Variants in ABLIM1 observed in about 807,000 individuals in gnomAD.
The protein encoded by ABLIM1 is actin-binding LIM protein 1.
A neutral mutation model predicts 107.0 loss-of-function variants in ABLIM1; 40 were observed. That is an observed-to-expected ratio of 0.37 (90% CI 0.29 to 0.49). The LOEUF (loss-of-function observed/expected upper bound fraction) is 0.49, where lower values mean the gene tolerates loss of function less well. ABLIM1 is among the 20% of genes least tolerant of loss of function. The pLI is 0.97. For missense variants in ABLIM1, 857 were observed against 1,008.5 expected (o/e 0.85, Z 2.04); for synonymous variants, 357 against 357.3 (o/e 1.00, Z 0.01).
In ABLIM1 at chr10:114,560,953, A is replaced by G. The variant is rs546945098; in HGVS notation, c.673+10344T>C. Reference sequence around the variant, plus strand: ...GGTGATGAAAATGTTTTGGAACTAGATAGAGGTGATGGTTGTACAAAAGCA... The same window carrying G: ...GGTGATGAAAATGTTTTGGAACTAGGTAGAGGTGATGGTTGTACAAAAGCA... On this transcript the variant is annotated intron_variant, in intron 4 of 22. Transcript: ENST00000533213. 3.1e-4 allele frequency among the ~76,000 whole-genome samples: 47 copies of G among 152,366 alleles called. No individual in the cohort carries two copies. The South Asian group carries it at 9.5e-3, about 31-fold the overall frequency.
intron 1 of ABLIM1, among the ~76,000 whole-genome samples, chr10:114,755,189 G>A (rs2082601978): frequency 6.6e-6 from 1 of 152,126 alleles, no homozygotes; most frequent in Non-Finnish European, 1.5e-5. Context: ...GATTCTCATG[G>A]GAACGCAAAC....
At position 114,571,405 on chromosome 10, in the gene ABLIM1, G is replaced by A. The variant is rs764878710; in HGVS notation, c.565C>T (p.Arg189Cys). The A allele has an allele frequency of 1.7e-5, 28 of 1,613,796 alleles. No individual in the cohort carries two copies. Among genetic ancestry groups the A allele is most frequent in the Middle Eastern group, 1.6e-4 (1 of 6,082 alleles). The change falls in exon 4 of 23, where the codon CGC (arginine) becomes TGC (cysteine). Residue 189 changes from arginine (R) to cysteine (C), a missense_variant and splice_region_variant. By Grantham distance (180) the Arg-to-Cys change is radical. Around this residue, in one of 5 missense-constraint regions of ABLIM1, gnomAD observed 381 missense variants for 506.9 expected, o/e 0.75. Transcript: ENST00000533213. ...PNCFACTICK[R>C]PFPPGDRVTF... is the part of the protein sequence containing the mutation. ...ACTCGGTCTCCGGGTGGAAACGGGC[G>A]CCTGGAGGCAGAAAGACATCGCCCT... is the stretch of plus-strand genomic sequence containing the variant.
the ABLIM1 span, among the ~76,000 whole-genome samples, chr10:114,773,223 C>A: frequency 1.3e-3 from 198 of 151,960 alleles, no homozygotes; most frequent in Non-Finnish European, 2.3e-3. Flanking sequence ...ACAATATATA[C>A]CAGGTTGGAT....
chr10:114,565,763 C>T (rs189013671), intron 4 of ABLIM1, among the ~76,000 whole-genome samples: 7 of 147,374 alleles, frequency 4.7e-5, no homozygotes, highest in Admixed American at 3.4e-4. Flanking sequence ...GAAACATGCA[C>T]GCGATGCTTT....
chr10:114,507,085 G>A (rs2061256788), intron 6 of ABLIM1, among the ~76,000 whole-genome samples: 1 of 152,162 alleles, frequency 6.6e-6, no homozygotes, highest in African/African-American at 2.4e-5. Flanking sequence ...TTCTTCCCCA[G>A]GGTTAGAGGA....
intron 11 of ABLIM1, among the ~76,000 whole-genome samples, chr10:114,467,145 T>C (rs1202634859): frequency 6.6e-6 from 1 of 151,830 alleles, no homozygotes; most frequent in Non-Finnish European, 1.5e-5. Flanking sequence ...GGCAACAGAG[T>C]GAGACTCTGT....
At chr10:114,438,112 T>TA (rs1223736409) in intron 21 of ABLIM1, among the ~76,000 whole-genome samples, 188 bp from the exon 22 acceptor site, 2 of 152,150 alleles carry the variant, frequency 1.3e-5, no homozygotes, top group Non-Finnish European at 2.9e-5. Context: ...GACAGAATCT[T>TA]AGACATTCTC....
chr10:114,439,846 C>T (rs774214622), intron 20 of ABLIM1: 1 of 605,196 alleles, frequency 1.7e-6, no homozygotes, highest in Non-Finnish European at 2.8e-6. Flanking sequence ...AAGGCCAAAG[C>T]AAGAGAGACC....
intron 6 of ABLIM1, among the ~76,000 whole-genome samples, chr10:114,512,834 AGG>A (rs2062086637): frequency 1.5e-5 from 2 of 131,180 alleles, no homozygotes; most frequent in African/African-American, 5.9e-5. Context: ...GATAGAAGGA[AGG>A]AAGGAAGGAA....
intron 2 of ABLIM1, chr10:114,595,104 C>T (rs185612355): frequency 8.7e-5 from 13 of 149,144 alleles, no homozygotes; most frequent in Non-Finnish European, 1.6e-4. Context: ...CTCCTTGGTC[C>T]TTGGTCTTTT....
chr10:114,675,325 C>G (rs1257158528), intron 1 of ABLIM1, among the ~76,000 whole-genome samples: 14 of 152,120 alleles, frequency 9.2e-5, no homozygotes. Flanking sequence ...TGGAGGGACC[C>G]AGTGGGAGGT....
intron 6 of ABLIM1, among the ~76,000 whole-genome samples, chr10:114,492,617 C>T (rs2135163176): frequency 6.6e-6 from 1 of 152,304 alleles, no homozygotes; most frequent in South Asian, 2.1e-4. Flanking sequence ...GAGTCATGCT[C>T]CACATACATG....
intron 1 of ABLIM1, among the ~76,000 whole-genome samples, chr10:114,740,476 G>A (rs1228346011): frequency 2.6e-5 from 4 of 151,602 alleles, no homozygotes; most frequent in Non-Finnish European, 4.4e-5. Flanking sequence ...TTACTCTACC[G>A]AGGAGGAAAT....
the ABLIM1 span, among the ~76,000 whole-genome samples, chr10:114,796,998 C>T: frequency 1.3e-5 from 2 of 152,202 alleles, no homozygotes; most frequent in African/African-American, 4.8e-5. Flanking sequence ...CATTTCAATA[C>T]CCATCCTCCA....
chr10:114,443,530 C>G lies in ABLIM1; in HGVS notation c.1933+499G>C, dbSNP rs1010483371. ...GTTTCGCCACGTTGACCAGGCTGGTCTCAAACTCCTGACCTCAGGTGATCC... is the reference window on the plus strand; with the variant it reads ...GTTTCGCCACGTTGACCAGGCTGGTGTCAAACTCCTGACCTCAGGTGATCC... On this transcript the variant is annotated intron_variant, in intron 17 of 22. Transcript: ENST00000533213. Among the ~76,000 whole-genome samples the G allele has an allele frequency of 3.3e-5, 5 of 151,922 alleles. No individual in the cohort carries two copies. In the South Asian group the frequency reaches 1.0e-3, roughly 32 times the overall value.
chr10:114,620,381 T>C (rs986046553), intron 1 of ABLIM1, among the ~76,000 whole-genome samples: 1 of 152,176 alleles, frequency 6.6e-6, no homozygotes, highest in Non-Finnish European at 1.5e-5. Context: ...GACTGAGTCC[T>C]ACCCACAGAC....
At chr10:114,694,654 T>G (rs975876521) in intron 1 of ABLIM1, among the ~76,000 whole-genome samples, 7 of 152,178 alleles carry the variant, frequency 4.6e-5, no homozygotes, top group Non-Finnish European at 1.0e-4. Context: ...CTGACAAATA[T>G]TAGTCATTAT....
At position 114,457,904 on chromosome 10, in the gene ABLIM1, T is replaced by C. The variant is rs545994436; in HGVS notation, c.1442-4421A>G. The stretch of plus-strand genomic sequence containing the variant: ...CTGGCCAACATGGTGAAACCCTGTC[T>C]CTTCTAAAAATACAGAAATTAGCCA... On this transcript the variant is annotated intron_variant, in intron 12 of 22. Coordinates refer to ENST00000533213, the MANE Select transcript of ABLIM1 (RefSeq NM_002313.7). 2.0e-5 allele frequency among the ~76,000 whole-genome samples: 3 copies of C among 152,258 alleles called. No homozygotes were observed. The South Asian group carries it at 6.2e-4, about 32-fold the overall frequency.
At chr10:114,542,461 AGAT>A (rs1227153122) in intron 6 of ABLIM1, among the ~76,000 whole-genome samples, 1 of 151,138 alleles carries the variant, frequency 6.6e-6, no homozygotes, top group Non-Finnish European at 1.5e-5. Flanking sequence ...GAAAAGAAGA[AGAT>A]GATGATGAAG....
Sources: gnomAD v4.1 joint callset for allele counts (sites outside exome capture counted in the v4.1 genomes callset) on GRCh38, gnomAD v4.1.1 for gene constraint, gnomAD v4.1.1 regional missense constraint, MANE v1.5 for transcripts, NCBI Gene and HGNC (gene_info 2026-07-23, HGNC 2026-07-21) for gene names.